SYT8: variants seen among roughly 807,000 people sequenced by gnomAD.
SYT8 encodes synaptotagmin-8.
Under a neutral mutation model 34.9 loss-of-function variants are expected in SYT8, and 50 were observed. The ratio of observed to expected loss-of-function variants is 1.43; its 90% confidence interval spans 1.14 to 1.81. The LOEUF (loss-of-function observed/expected upper bound fraction) is 1.81. Ranked by LOEUF, SYT8 falls within the 40% of genes most tolerant of loss-of-function variation. The pLI, the probability that SYT8 is intolerant of heterozygous loss-of-function variation, is 0.00. For missense variants in SYT8, 595 were observed against 529.0 expected, an observed-to-expected ratio of 1.12 and a Z score of -1.22; for synonymous variants, 255 against 234.2, an observed-to-expected ratio of 1.09 and a Z score of -0.81.
chr11:1,833,477 C>T (rs537102104), upstream of SYT8, among the ~76,000 whole-genome samples: 1 of 152,372 alleles, frequency 6.6e-6, no homozygotes, highest in Non-Finnish European at 1.5e-5. Context: ...AGGGTGCAGC[C>T]TGGAAAGCTG....
chr11:1,835,581 G>A (rs1191754673), intron 2 of SYT8, 122 bp downstream of exon 2: 1 of 1,193,834 alleles, frequency 8.4e-7, no homozygotes, highest in East Asian at 2.5e-5. Context: ...GCAGGGCGTT[G>A]AGGACCTTCC....
At position 1,836,110 on chromosome 11, in the gene SYT8, C is replaced by A. The variant is rs373351040; in HGVS notation, c.358-16C>A. 11 of 1,509,376 alleles carry A rather than the reference C, an allele frequency of 7.3e-6. No homozygotes were observed. The highest frequency in any genetic ancestry group is 1.4e-5 in the African/African-American group (1 of 71,658). 93.5% of individuals were successfully genotyped at this position (1,509,376 alleles called of 1,614,324 possible). On this transcript the variant is annotated splice_polypyrimidine_tract_variant and intron_variant, in intron 3 of 7. Transcript: ENST00000341958. The stretch of plus-strand genomic sequence containing the variant: ...GGGCAGGGGCCCTTGGCTGAGCCCA[C>A]CCCGCTGGCTCCCAGATCAGGGTGG...
rs1404647437 is a variant in SYT8 at position 1,835,402 on chromosome 11, C to T, written c.201C>T (p.Pro67=). 9 of 1,609,696 alleles carry T rather than the reference C, an allele frequency of 5.6e-6. No homozygotes were observed. Among genetic ancestry groups the T allele is most frequent in the South Asian group, 4.4e-5 (4 of 91,042 alleles). Residue 67 remains proline, a synonymous_variant, in exon 2 of 8, where the codon CCC becomes CCT. Transcript: ENST00000341958. The part of the protein sequence containing the change: ...CCCCRRHRKK[P]RDKESVGLGS... ...GCTGCCGCCGCCACAGGAAGAAGCC[C>T]AGGGACAAGGAGTCCGTGGGTCTGG...
upstream of SYT8, chr11:1,833,815 C>CAT (rs1554967746): frequency 4.9e-5 from 7 of 141,690 alleles, no homozygotes; most frequent in African/African-American, 1.6e-4. Context: ...TGTGCGCGTG[C>CAT]GTGTGTGTGT....
chr11:1,833,277 C>G (rs940031191), upstream of SYT8, among the ~76,000 whole-genome samples: 1 of 152,220 alleles, frequency 6.6e-6, no homozygotes, highest in Non-Finnish European at 1.5e-5. Context: ...GTGAGCTTCA[C>G]TGCACACCCA....
chr11:1,836,723 C>T (rs1427196391), intron 5 of SYT8, 33 bp from the exon 6 acceptor site: 16 of 1,602,730 alleles, frequency 1.0e-5, no homozygotes, highest in Non-Finnish European at 1.4e-5. Context: ...CAGAATCACC[C>T]TCCCGGGCTG....
upstream of SYT8, among the ~76,000 whole-genome samples, chr11:1,832,748 C>T (rs564973011): frequency 2.3e-3 from 349 of 152,336 alleles, 4 homozygotes; most frequent in African/African-American, 8.1e-3. Flanking sequence ...TCCTGGGGTT[C>T]TCCGGAGCAG....
upstream of SYT8, chr11:1,834,173 A>AG: frequency 3.3e-6 from 1 of 306,130 alleles, no homozygotes; most frequent in South Asian, 3.2e-5. The surrounding 1 kb of genome is among the most constrained non-coding windows in gnomAD (Gnocchi z 4.5). Flanking sequence ...GGCCCCATGT[A>AG]GCACCCTGGT....
At chr11:1,834,478 G>C (rs189261600), upstream of SYT8, 13 of 1,216,796 alleles carry the variant, frequency 1.1e-5, 1 homozygote, top group Admixed American at 2.4e-4. The surrounding 1 kb of genome is among the most constrained non-coding windows in gnomAD (Gnocchi z 4.5). Flanking sequence ...GCCCAGGCCT[G>C]CTCAGTGAGC....
chr11:1,837,222 C>T lies in SYT8; in HGVS notation c.955C>T (p.Arg319Cys), dbSNP rs764473092. 13 of 1,567,922 alleles carry T rather than the reference C, an allele frequency of 8.3e-6. No individual in the cohort carries two copies. Among genetic ancestry groups the T allele is most frequent in the Middle Eastern group, 1.7e-4 (1 of 5,884 alleles). ...NVDLVLAVWD[R>C]SLPLRTEPVG... is the part of the protein sequence containing the mutation. ...GGACCTGGTGCTGGCTGTCTGGGAC[C>T]GCAGCCTGCCGCTCCGAACTGAGCC... Residue 319 changes from arginine to cysteine, a missense_variant, in exon 8 of 8, where the codon CGC (arginine) becomes TGC (cysteine). Arg to Cys is a radical substitution (Grantham distance 180). Transcript: ENST00000341958.
upstream of SYT8, among the ~76,000 whole-genome samples, chr11:1,832,606 G>A (rs1486362296): frequency 1.3e-5 from 2 of 152,176 alleles, no homozygotes; most frequent in Admixed American, 6.5e-5. Context: ...CGGGTCCCGA[G>A]GGGCGGACGG....
chr11:1,836,746 C>A lies in SYT8; in HGVS notation c.685-10C>A, dbSNP rs749890243. The A allele has an allele frequency of 2.5e-6, 4 of 1,607,484 alleles. No homozygotes were observed. In the South Asian group the frequency reaches 3.3e-5, roughly 13 times the overall value. On this transcript the variant is annotated splice_polypyrimidine_tract_variant and intron_variant, in intron 5 of 7. Coordinates refer to ENST00000341958, the MANE Select transcript of SYT8 (RefSeq NM_001394072.1). ...CCCTCCCGGGCTGAAGCCCCTCTTG[C>A]TGCCCACAGCCCGAGCAGGTCGGGG...
At chr11:1,834,671 C>A, upstream of SYT8, 1 of 1,509,558 alleles carries the variant, frequency 6.6e-7, no homozygotes, top group South Asian at 1.2e-5. The surrounding 1 kb of genome is among the most constrained non-coding windows in gnomAD (Gnocchi z 4.5). Context: ...ATGAGACCCC[C>A]AGGGATGAGA....
In SYT8 at chr11:1,835,200, G is replaced by A. The variant is rs764738293; in HGVS notation, c.94+1G>A. On this transcript the variant is annotated splice_donor_variant, in intron 1 of 7. Coordinates refer to ENST00000341958, the MANE Select transcript of SYT8 (RefSeq NM_001394072.1). LOFTEE classifies it high-confidence loss of function. ...CCAGACCTTGTCGCCGGGACCCCCT[G>A]TGAGTTGTGGGATTCCCAAGAGGGG... The A allele has an allele frequency of 6.2e-7, 1 of 1,613,112 alleles. No individual in the cohort carries two copies. Among genetic ancestry groups the A allele is most frequent in the East Asian group, 2.2e-5 (1 of 44,874 alleles).
chr11:1,835,043 G>T lies in SYT8; in HGVS notation c.-63G>T, dbSNP rs748824207. ...ATGGGGTAGCGGGCAGGGGCCGGAG[G>T]GGCCACCCTCCCAGCTGACCCAGCC... On this transcript the variant is annotated 5_prime_UTR_variant, in exon 1 of 8. Transcript: ENST00000341958. 1.3e-6 allele frequency: 2 copies of T among 1,562,728 alleles called. No homozygotes were observed. The highest frequency in any genetic ancestry group is 3.4e-5 in the Admixed American group (2 of 59,460).
At position 1,835,296 on chromosome 11, in the gene SYT8, G is replaced by GCTCTCATT; in HGVS notation, c.95_96insCTCTCATT (p.Trp32CysfsTer96). ...GCACTCAGCCTGGCCTCTACCCCAG[G>GCTCTCATT]GCCCCGCTGGGCTCTCATTGCCGGC... On this transcript the variant is annotated frameshift_variant and splice_region_variant, in exon 2 of 8. Transcript: ENST00000341958. LOFTEE classifies it high-confidence loss of function. 1 of 1,598,558 alleles carries GCTCTCATT rather than the reference G, an allele frequency of 6.3e-7. No homozygotes were observed. The highest frequency in any genetic ancestry group is 8.5e-7 in the Non-Finnish European group (1 of 1,170,792).
At chr11:1,832,217 G>C (rs774334826), upstream of SYT8, among the ~76,000 whole-genome samples, 2 of 152,206 alleles carry the variant, frequency 1.3e-5, no homozygotes, top group Admixed American at 6.5e-5. Context: ...GCTCACGCTG[G>C]CCTTGGAGGG....
At chr11:1,836,674 G>C in intron 5 of SYT8, 82 bp downstream of exon 5, 19 of 1,593,762 alleles carry the variant, frequency 1.2e-5, no homozygotes, top group Non-Finnish European at 1.5e-5. Context: ...AGACAGGCCT[G>C]ATGGGCAGCA....
chr11:1,835,518 G>A, intron 2 of SYT8, 59 bp downstream of exon 2: 1 of 1,588,324 alleles, frequency 6.3e-7, no homozygotes, highest in South Asian at 1.1e-5. Flanking sequence ...AGGCTCCAGA[G>A]CCCAGGGCAG....
Sources: allele counts gnomAD v4.1 joint callset (sites outside exome capture counted in the v4.1 genomes callset), GRCh38; gene constraint gnomAD v4.1.1; non-coding constraint Gnocchi (gnomAD v3.1); transcripts MANE v1.5; gene names NCBI Gene and HGNC (gene_info 2026-07-23, HGNC 2026-07-21).